ARHGAP6: variants seen among roughly 807,000 people sequenced by gnomAD.
The protein encoded by ARHGAP6 is rho GTPase-activating protein 6.
In ARHGAP6, 16 loss-of-function variants were observed where a neutral mutation model predicts 55.7. That is an observed-to-expected ratio of 0.29 (90% CI 0.19 to 0.44). ARHGAP6 has a LOEUF of 0.44. ARHGAP6 is among the 20% of genes least tolerant of loss of function. The probability of loss-of-function intolerance (pLI) is 1.00; values close to 1 mark genes in which losing one functional copy is unlikely to be tolerated. For missense variants in ARHGAP6, 698 were observed against 808.9 expected, an observed-to-expected ratio of 0.86 and a Z score of 1.66; for synonymous variants, 382 against 360.9, an observed-to-expected ratio of 1.06 and a Z score of -0.66.
intron 1 of ARHGAP6, among the ~76,000 whole-genome samples, chrX:11,412,010 T>C (rs945717695): frequency 4.5e-5 from 5 of 111,652 alleles, no homozygotes; most frequent in African/African-American, 1.3e-4. Context: ...TATGGATTTC[T>C]GGAAGGCATT....
intron 1 of ARHGAP6, among the ~76,000 whole-genome samples, chrX:11,357,782 C>T (rs373047960): frequency 4.5e-5 from 5 of 111,551 alleles, no homozygotes; most frequent in Non-Finnish European, 7.5e-5. Context: ...AGGGATATAG[C>T]GATTTACTTA....
At chrX:11,277,196 G>C (rs1456691722) in intron 1 of ARHGAP6, among the ~76,000 whole-genome samples, 3 of 111,803 alleles carry the variant, frequency 2.7e-5, no homozygotes, top group Non-Finnish European at 5.6e-5. Flanking sequence ...CCACGTTGTA[G>C]CATGTGTCAT....
chrX:11,241,583 T>G (rs759214446), intron 2 of ARHGAP6, among the ~76,000 whole-genome samples: 28 of 108,154 alleles, frequency 2.6e-4, no homozygotes, highest in African/African-American at 9.1e-4. Context: ...TGCGCGTGTG[T>G]CATCTTCAAG....
intron 1 of ARHGAP6, among the ~76,000 whole-genome samples, chrX:11,405,126 C>T (rs888103127): frequency 1.8e-5 from 2 of 111,646 alleles, no homozygotes; most frequent in Non-Finnish European, 3.8e-5. Flanking sequence ...AGAGCAGTTC[C>T]TGACTCTACT....
At chrX:11,170,430 A>G (rs1236543224) in intron 8 of ARHGAP6, among the ~76,000 whole-genome samples, 1 of 112,297 alleles carries the variant, frequency 8.9e-6, no homozygotes, top group Non-Finnish European at 1.9e-5. Flanking sequence ...GGAGTTCTGC[A>G]GGAAAGGCAG....
intron 8 of ARHGAP6, among the ~76,000 whole-genome samples, chrX:11,169,913 T>C (rs1267160142): frequency 1.8e-5 from 2 of 110,562 alleles, no homozygotes; most frequent in Non-Finnish European, 3.8e-5. Context: ...GAATAAAAAT[T>C]TGCAACTCTA....
rs2052621516 is a variant in ARHGAP6, at chrX:11,654,858, A to T, written c.588+9383T>A. 3.6e-5 allele frequency among the ~76,000 whole-genome samples: 4 copies of T among 112,358 alleles called. No individual in the cohort carries two copies. The South Asian group carries it at 1.5e-3, about 42-fold the overall frequency. On this transcript the variant is annotated intron_variant, in intron 1 of 12. Coordinates refer to ENST00000337414, the MANE Select transcript of ARHGAP6 (RefSeq NM_013427.3). ...TTATTGAAAACAAGATGTGGCAACA[A>T]CATATTTTCTGAAAATTATAAATAT...
At chrX:11,266,200 T>TA (rs773916414) in intron 1 of ARHGAP6, among the ~76,000 whole-genome samples, 11 of 109,569 alleles carry the variant, frequency 1.0e-4, no homozygotes, top group South Asian at 4.0e-4. Context: ...AGGATTCCTC[T>TA]AAAAAAAATC....
chrX:11,593,845 C>T (rs779838922), intron 1 of ARHGAP6, among the ~76,000 whole-genome samples: 2 of 112,445 alleles, frequency 1.8e-5, no homozygotes, highest in African/African-American at 3.2e-5. Context: ...GACCTAGAGC[C>T]TTGGCCAGGA....
intron 1 of ARHGAP6, among the ~76,000 whole-genome samples, chrX:11,469,189 A>G (rs2050324220): frequency 8.9e-6 from 1 of 112,758 alleles, no homozygotes; most frequent in Non-Finnish European, 1.9e-5. Flanking sequence ...AGTCTTTTAG[A>G]ATATGATAAT....
At chrX:11,356,609 G>GT (rs992539953) in intron 1 of ARHGAP6, among the ~76,000 whole-genome samples, 4 of 110,618 alleles carry the variant, frequency 3.6e-5, no homozygotes, top group African/African-American at 1.3e-4. Flanking sequence ...GTCAATGTGG[G>GT]TTTTTTTCTT....
intron 1 of ARHGAP6, chrX:11,265,870 CT>C: frequency 1.1e-6 from 1 of 951,577 alleles, no homozygotes; most frequent in African/African-American, 2.0e-5. Flanking sequence ...CCCACGATAC[CT>C]TTTGTTGCCA....
intron 1 of ARHGAP6, among the ~76,000 whole-genome samples, chrX:11,382,197 T>C (rs1364191507): frequency 9.0e-6 from 1 of 111,407 alleles, no homozygotes; most frequent in Non-Finnish European, 1.9e-5. Flanking sequence ...CTTATATTAG[T>C]AGCTAATTAA....
intron 1 of ARHGAP6, among the ~76,000 whole-genome samples, chrX:11,456,652 C>T (rs1355103203): frequency 9.0e-6 from 1 of 111,579 alleles, no homozygotes; most frequent in African/African-American, 3.3e-5. Context: ...CCCTTCTCTG[C>T]ATACCACAGT....
At chrX:11,385,223 G>T (rs2049314615) in intron 1 of ARHGAP6, among the ~76,000 whole-genome samples, 1 of 111,246 alleles carries the variant, frequency 9.0e-6, no homozygotes, top group Non-Finnish European at 1.9e-5. Flanking sequence ...ACCAATAACT[G>T]TATCTATCAT....
intron 1 of ARHGAP6, among the ~76,000 whole-genome samples, chrX:11,590,417 A>G (rs2147128686): frequency 9.2e-6 from 1 of 108,563 alleles, no homozygotes; most frequent in African/African-American, 3.4e-5. Context: ...ATCAAACACA[A>G]TGCCTGGCAT....
chrX:11,179,745 CATAT>C (rs972152096), intron 6 of ARHGAP6, among the ~76,000 whole-genome samples: 3 of 91,128 alleles, frequency 3.3e-5, no homozygotes, highest in African/African-American at 4.3e-5. Flanking sequence ...TATGTATATA[CATAT>C]ATATGTATAT....
chrX:11,479,622 C>T (rs1304913234), intron 1 of ARHGAP6, among the ~76,000 whole-genome samples: 3 of 110,901 alleles, frequency 2.7e-5, no homozygotes, highest in African/African-American at 6.6e-5. Flanking sequence ...GCTCATCTCT[C>T]GCCATCTTGA....
At chrX:11,590,771 ATC>A (rs201433612) in intron 1 of ARHGAP6, among the ~76,000 whole-genome samples, 1,576 of 45,280 alleles carry the variant, frequency 0.035, 228 homozygotes, top group Middle Eastern at 0.093. Flanking sequence ...GTGAGACTCC[ATC>A]TCGAAAAGAA....
Sources: allele counts gnomAD v4.1 joint callset (sites outside exome capture counted in the v4.1 genomes callset), GRCh38; gene constraint gnomAD v4.1.1; transcripts MANE v1.5; gene names NCBI Gene and HGNC (gene_info 2026-07-23, HGNC 2026-07-21).